The following FAM91A1 variants were observed in gnomAD, a reference collection of about 807,000 sequenced individuals.
FAM91A1 encodes the protein protein FAM91A1.
In FAM91A1, 41 loss-of-function variants were observed where a neutral mutation model predicts 113.5. That is an observed-to-expected ratio of 0.36 (90% CI 0.28 to 0.47). FAM91A1 has a LOEUF of 0.47. Among genes scored for constraint, FAM91A1 ranks in the 20% least tolerant of loss-of-function variants. The probability of loss-of-function intolerance (pLI) is 1.00; values close to 1 mark genes in which losing one functional copy is unlikely to be tolerated. For missense variants in FAM91A1, 696 were observed against 1,001.2 expected (o/e 0.70, Z 4.11); for synonymous variants, 307 against 347.9 (o/e 0.88, Z 1.31).
In FAM91A1 at chr8:123,810,408, C is replaced by T. The variant is rs572198007; in HGVS notation, c.2331+57C>T. 30 of 1,447,690 alleles carry T rather than the reference C, an allele frequency of 2.1e-5. No individual in the cohort carries two copies. In the South Asian group the frequency reaches 3.5e-4, roughly 17 times the overall value. The allele number at this position is 1,447,690 out of a possible 1,614,324, so 89.7% of individuals were successfully genotyped here. A position where few individuals can be genotyped will look rare whatever the true frequency, so the allele number is the denominator to read the frequency against. On this transcript the variant is annotated intron_variant, in intron 23 of 23. Coordinates refer to ENST00000334705, the MANE Select transcript of FAM91A1 (RefSeq NM_144963.4). ...TGTACTGAGCTTTAAGTATGCACAA[C>T]ACTTCTGTGTTTGTTTTTGAGTCAC...
At chr8:123,780,229 G>T in intron 7 of FAM91A1, 154 bp downstream of exon 7, 2 of 765,130 alleles carry the variant, frequency 2.6e-6, no homozygotes, top group Non-Finnish European at 4.0e-6. Flanking sequence ...TTGTTTTCCA[G>T]TGTGGCTATA....
Position 123,806,189 on chromosome 8 carries a change from A to C in FAM91A1, c.1992A>C (p.Gln664His). 6.2e-7 allele frequency: 1 copy of C among 1,613,430 alleles called. No homozygotes were observed. Among genetic ancestry groups the C allele is most frequent in the Non-Finnish European group, 8.5e-7 (1 of 1,179,572 alleles). Residue 664 changes from glutamine to histidine, a missense_variant, in exon 20 of 24, where the codon CAA (glutamine) becomes CAC (histidine). By Grantham distance (24) the Gln-to-His change is conservative. Coordinates refer to ENST00000334705, the MANE Select transcript of FAM91A1 (RefSeq NM_144963.4). ...GYVTMLNASSQLADRKLSDAS... is the reference protein window; with the variant it reads ...GYVTMLNASSHLADRKLSDAS... ...TCACCATGTTGAATGCTTCCAGCCA[A>C]CTTGCAGATAGAAAACTCAGTGATG...
At chr8:123,802,123 T>A (rs1447291577) in intron 18 of FAM91A1, among the ~76,000 whole-genome samples, 1 of 152,086 alleles carries the variant, frequency 6.6e-6, no homozygotes, top group East Asian at 1.9e-4. Context: ...ATGGTCAAAT[T>A]TGTTTCAGGA....
intron 18 of FAM91A1, among the ~76,000 whole-genome samples, chr8:123,801,622 A>G (rs1215579060): frequency 6.6e-6 from 1 of 152,230 alleles, no homozygotes; most frequent in Non-Finnish European, 1.5e-5. Flanking sequence ...GTTTCAGTTT[A>G]TCGAATAGAA....
intron 8 of FAM91A1, among the ~76,000 whole-genome samples, chr8:123,784,013 C>G (rs1044996415): frequency 6.6e-6 from 1 of 152,212 alleles, no homozygotes; most frequent in Admixed American, 6.5e-5. Flanking sequence ...GGAGACAGAG[C>G]CAATACTTTG....
intron 12 of FAM91A1, 117 bp from the exon 13 acceptor site, chr8:123,787,144 T>C: frequency 1.3e-6 from 1 of 770,492 alleles, no homozygotes; most frequent in Non-Finnish European, 2.1e-6. Context: ...AATAGTGCCT[T>C]TTTAAAATTA....
At chr8:123,781,617 A>G (rs1815125383) in intron 8 of FAM91A1, among the ~76,000 whole-genome samples, 1 of 151,358 alleles carries the variant, frequency 6.6e-6, no homozygotes. Flanking sequence ...AGCTGGGATT[A>G]TAGGCACCCA....
chr8:123,805,031 G>C (rs1815770013), intron 18 of FAM91A1, among the ~76,000 whole-genome samples: 1 of 152,028 alleles, frequency 6.6e-6, no homozygotes, highest in African/African-American at 2.4e-5. Context: ...CTGTTAAATT[G>C]GCCTCCTTTT....
chr8:123,794,190 A>G (rs993109763), intron 15 of FAM91A1, among the ~76,000 whole-genome samples: 4 of 152,208 alleles, frequency 2.6e-5, no homozygotes, highest in African/African-American at 7.2e-5. Flanking sequence ...GATAATTTTT[A>G]TGAGTAAACG....
intron 8 of FAM91A1, among the ~76,000 whole-genome samples, chr8:123,782,369 A>T (rs1453080851): frequency 6.6e-6 from 1 of 152,220 alleles, no homozygotes; most frequent in Non-Finnish European, 1.5e-5. Flanking sequence ...TTCAGTACAA[A>T]TAATACCTGA....
chr8:123,787,861 T>C (rs890332038), intron 14 of FAM91A1, 111 bp downstream of exon 14: 1 of 778,340 alleles, frequency 1.3e-6, no homozygotes, highest in Non-Finnish European at 2.0e-6. Flanking sequence ...AGTGTATTCT[T>C]GCTCGTTCCT....
chr8:123,790,098 G>T (rs973716840), intron 15 of FAM91A1, among the ~76,000 whole-genome samples: 18 of 152,148 alleles, frequency 1.2e-4, no homozygotes, highest in African/African-American at 4.3e-4. Context: ...AAAATTTCAA[G>T]AATGAAAGAT....
chr8:123,774,066 G>C lies in FAM91A1; in HGVS notation c.73-14G>C. 1 of 1,600,922 alleles carries C rather than the reference G, an allele frequency of 6.2e-7. No homozygotes were observed. The highest frequency in any genetic ancestry group is 8.5e-7 in the Non-Finnish European group (1 of 1,173,766). On this transcript the variant is annotated splice_polypyrimidine_tract_variant and intron_variant, in intron 1 of 23. Transcript: ENST00000334705. ...TTTGGAAGTTGTTTAAAATCTTTTTGAAATTTCTCCTAGAGTCTTGGAAAT... is the reference window on the plus strand; with the variant it reads ...TTTGGAAGTTGTTTAAAATCTTTTTCAAATTTCTCCTAGAGTCTTGGAAAT...
intron 14 of FAM91A1, among the ~76,000 whole-genome samples, chr8:123,788,933 A>C (rs2130098598): frequency 6.6e-6 from 1 of 152,212 alleles, no homozygotes; most frequent in South Asian, 2.1e-4. Flanking sequence ...TGCAAATCTG[A>C]TTTAGTTATT....
At chr8:123,799,394 A>G in intron 16 of FAM91A1, 126 bp from the exon 17 acceptor site, 1 of 805,538 alleles carries the variant, frequency 1.2e-6, no homozygotes, top group Non-Finnish European at 1.9e-6. Flanking sequence ...GAAACATTTA[A>G]AGTTATTTTC....
At position 123,786,404 on chromosome 8, in the gene FAM91A1, T is replaced by G; in HGVS notation, c.963-91T>G. On this transcript the variant is annotated intron_variant, in intron 11 of 23. Transcript: ENST00000334705. ...AATATAAGACTGAATTTTGATGGATTGTTCATAATTTAAGTCTTAACTTCA... is the reference window on the plus strand; with the variant it reads ...AATATAAGACTGAATTTTGATGGATGGTTCATAATTTAAGTCTTAACTTCA... 3 of 949,156 alleles carry G rather than the reference T, an allele frequency of 3.2e-6. No homozygotes were observed. The South Asian group carries it at 4.4e-5, about 14-fold the overall frequency. The allele number at this position is 949,156 out of a possible 1,614,324, so 58.8% of individuals were successfully genotyped here. A position where few individuals can be genotyped will look rare whatever the true frequency, so the allele number is the denominator to read the frequency against.
chr8:123,792,100 G>T (rs193153596), intron 15 of FAM91A1, among the ~76,000 whole-genome samples: 7 of 152,218 alleles, frequency 4.6e-5, no homozygotes, highest in Middle Eastern at 3.4e-3. Flanking sequence ...GCTTGAACCT[G>T]GGAGGCTGAG....
intron 15 of FAM91A1, 27 bp downstream of exon 15, chr8:123,789,772 G>A: frequency 6.3e-7 from 1 of 1,599,544 alleles, no homozygotes; most frequent in Non-Finnish European, 8.5e-7. Flanking sequence ...TAATTTTGAA[G>A]ACATGATCAT....
Position 123,784,463 on chromosome 8 carries a change from G to A in FAM91A1, c.704-7G>A, listed in dbSNP as rs759643075. ...CCACTGAGAAAAATCTCTTCTGTTT[G>A]TTTTAGTTCCACCTCTTGAAGGTTT... is the stretch of plus-strand genomic sequence containing the variant. On this transcript the variant is annotated splice_region_variant and splice_polypyrimidine_tract_variant and intron_variant, in intron 8 of 23. Transcript: ENST00000334705. 1 of 1,588,978 alleles carries A rather than the reference G, an allele frequency of 6.3e-7. No homozygotes were observed. The highest frequency in any genetic ancestry group is 8.6e-7 in the Non-Finnish European group (1 of 1,167,106).
Sources: allele counts gnomAD v4.1 joint callset (sites outside exome capture counted in the v4.1 genomes callset), GRCh38; gene constraint gnomAD v4.1.1; transcripts MANE v1.5; gene names NCBI Gene and HGNC (gene_info 2026-07-23, HGNC 2026-07-21).